The following SAMSN1 variants were observed in gnomAD, a reference collection of about 807,000 sequenced individuals.
SAMSN1 encodes SAM domain, SH3 domain and nuclear localization signals 1.
SAMSN1 carries 31 observed loss-of-function variants against 42.0 expected under a neutral mutation model. The ratio of observed to expected loss-of-function variants is 0.74; its 90% CI spans 0.55 to 1.00. The LOEUF (loss-of-function observed/expected upper bound fraction) is 1.00, where lower values mean the gene tolerates loss of function less well. SAMSN1 is among the 50% of genes least tolerant of loss of function. SAMSN1 has a pLI of 0.00. For synonymous variants in SAMSN1, 178 were observed against 151.9 expected (o/e 1.17, Z -1.26); for missense variants, 464 against 439.4 (o/e 1.06, Z -0.50).
chr21:14,587,759 A>T (rs909396291), upstream of SAMSN1, among the ~76,000 whole-genome samples: 5 of 150,514 alleles, frequency 3.3e-5, no homozygotes, highest in African/African-American at 1.2e-4. Context: ...TTATTTATTT[A>T]TTTATTTTTT....
At chr21:14,635,822 T>TTTATTATTATTATTA (rs368397409) in intron 2 of SAMSN1, among the ~76,000 whole-genome samples, 1 of 151,128 alleles carries the variant, frequency 6.6e-6, no homozygotes, top group African/African-American at 2.4e-5. Context: ...AGAGACAGAA[T>TTTATTATTATTATTA]TTATTATTAT....
intron 4 of SAMSN1, 41 bp from the exon 5 acceptor site, chr21:14,510,502 T>A: frequency 1.2e-6 from 2 of 1,609,548 alleles, no homozygotes; most frequent in Non-Finnish European, 8.5e-7. Context: ...GGAAGACTTA[T>A]AACATTCTGA....
intron 6 of SAMSN1, chr21:14,594,216 A>G: frequency 1.7e-6 from 1 of 589,172 alleles, no homozygotes; most frequent in Admixed American, 3.0e-5. Flanking sequence ...CTTGTTATCA[A>G]AGTACACTGA....
intron 5 of SAMSN1, among the ~76,000 whole-genome samples, chr21:14,605,097 A>G (rs1982532263): frequency 6.6e-6 from 1 of 152,246 alleles, no homozygotes; most frequent in Non-Finnish European, 1.5e-5. Context: ...TCAAATACAG[A>G]GGCAGCAAGG....
At chr21:14,586,255 T>G (rs1302652633), upstream of SAMSN1, among the ~76,000 whole-genome samples, 2 of 86,576 alleles carry the variant, frequency 2.3e-5, no homozygotes, top group African/African-American at 9.9e-5. Flanking sequence ...AGAACGAGAC[T>G]CCATCTCAAA....
At chr21:14,563,315 T>C (rs2403785) in intron 2 of SAMSN1, among the ~76,000 whole-genome samples, 13,314 of 152,184 alleles carry the variant, frequency 0.087, 1,197 homozygotes, top group African/African-American at 0.23. Context: ...TAGCCAAAAA[T>C]GTAAAGTATA....
intron 5 of SAMSN1, 65 bp from the exon 6 acceptor site, chr21:14,500,800 C>A: frequency 1.6e-6 from 2 of 1,238,452 alleles, no homozygotes; most frequent in South Asian, 1.2e-5. Context: ...AGAATGAAAT[C>A]ATAGAAAACT....
At chr21:14,495,392 T>C (rs1442424004) in intron 7 of SAMSN1, among the ~76,000 whole-genome samples, 2 of 152,232 alleles carry the variant, frequency 1.3e-5, no homozygotes, top group Non-Finnish European at 2.9e-5. Context: ...GCAAAGCAGT[T>C]TCATAAAAGA....
rs56728511 is a variant in SAMSN1, at chr21:14,581,344, C to CTTTTTTTTTTTTTTTTTTTTTT, written c.261+770_261+791dup. Among the ~76,000 whole-genome samples, 24 of 32,592 alleles carry CTTTTTTTTTTTTTTTTTTTTTT rather than the reference C, an allele frequency of 7.4e-4. 8 individuals carry two copies. Among genetic ancestry groups the CTTTTTTTTTTTTTTTTTTTTTT allele is most frequent in the Middle Eastern group, 0.05 (1 of 20 alleles). The allele number at this position is 32,592 out of a possible 152,430, so 21.4% of individuals were successfully genotyped here. ...TGTAAAATGAGGGGAAATAATATTT[C>CTTTTTTTTTTTTTTTTTTTTTT]TTTTTTTTTTTTTTTTTTTTTTTTT... On this transcript the variant is annotated intron_variant, in intron 2 of 8. Coordinates refer to the SAMSN1 transcript ENST00000285670.
At chr21:14,646,704 C>T (rs1243259290) in intron 1 of SAMSN1, among the ~76,000 whole-genome samples, 1 of 152,136 alleles carries the variant, frequency 6.6e-6, no homozygotes, top group African/African-American at 2.4e-5. Flanking sequence ...ATAACTACAA[C>T]AGCTTTTCAA....
At chr21:14,512,364 G>A in intron 4 of SAMSN1, 80 bp downstream of exon 4, 5 of 1,451,606 alleles carry the variant, frequency 3.4e-6, no homozygotes, top group Non-Finnish European at 4.8e-6. Flanking sequence ...GAACCTTGTG[G>A]CTGATTTAAC....
chr21:14,581,388 T>C (rs1249247688), intron 2 of SAMSN1, among the ~76,000 whole-genome samples: 14 of 114,798 alleles, frequency 1.2e-4, no homozygotes, highest in Non-Finnish European at 2.3e-4. Context: ...AGGACGAGTC[T>C]TGCTCAGTCG....
intron 4 of SAMSN1, chr21:14,612,465 G>T: frequency 3.4e-6 from 1 of 292,668 alleles, no homozygotes; most frequent in Non-Finnish European, 7.3e-6. Context: ...GAGAAGATTT[G>T]GTGTGTGAAA....
In SAMSN1 at chr21:14,485,596, T is replaced by C. The variant is rs1986399240; in HGVS notation, c.*316A>G. 1.1e-5 allele frequency: 2 copies of C among 184,372 alleles called. No homozygotes were observed. Among genetic ancestry groups the C allele is most frequent in the South Asian group, 1.3e-4 (1 of 7,954 alleles). The allele number at this position is 184,372 out of a possible 1,614,324, so 11.4% of individuals were successfully genotyped here. ...GGTATGAAAAAAGGTTACTTTGTTT[T>C]TTGCAGATACTGTACTTGTAAAATA... On this transcript the variant is annotated 3_prime_UTR_variant, in exon 8 of 8. Transcript: ENST00000400566.
intron 2 of SAMSN1, among the ~76,000 whole-genome samples, chr21:14,627,922 G>A (rs935258280): frequency 2.0e-5 from 3 of 152,176 alleles, no homozygotes; most frequent in African/African-American, 7.2e-5. Flanking sequence ...TTGTGTTCCT[G>A]AGACTTCTCC....
upstream of SAMSN1, among the ~76,000 whole-genome samples, chr21:14,549,674 A>G (rs139713458): frequency 3.0e-3 from 457 of 152,310 alleles, 1 homozygote; most frequent in African/African-American, 9.6e-3. Context: ...ATTAAGATTT[A>G]ATGTAAGAAT....
At chr21:14,510,760 A>G (rs939847686) in intron 4 of SAMSN1, among the ~76,000 whole-genome samples, 1 of 152,214 alleles carries the variant, frequency 6.6e-6, no homozygotes, top group African/African-American at 2.4e-5. Flanking sequence ...AGTATTGGTC[A>G]CTTGCCAAAA....
chr21:14,651,704 T>C (rs1233698190), intron 1 of SAMSN1, among the ~76,000 whole-genome samples: 1 of 151,986 alleles, frequency 6.6e-6, no homozygotes, highest in Non-Finnish European at 1.5e-5. Flanking sequence ...AAGATATACA[T>C]GGCATCCAAA....
At chr21:14,587,079 TAC>T (rs1568820900), upstream of SAMSN1, among the ~76,000 whole-genome samples, 1 of 152,220 alleles carries the variant, frequency 6.6e-6, no homozygotes, top group Non-Finnish European at 1.5e-5. Flanking sequence ...CAACTTGGTT[TAC>T]AGTTTTGTTC....
Sources: allele counts gnomAD v4.1 joint callset (sites outside exome capture counted in the v4.1 genomes callset), GRCh38; gene constraint gnomAD v4.1.1; transcripts MANE v1.5; gene names NCBI Gene and HGNC (gene_info 2026-07-23, HGNC 2026-07-21).